The following FOXJ1 variants were observed in gnomAD, a reference collection of about 807,000 sequenced individuals.
FOXJ1 encodes the protein forkhead box J1.
A neutral mutation model predicts 29.3 loss-of-function variants in FOXJ1; 8 were observed. The ratio of observed to expected loss-of-function variants is 0.27; its 90% confidence interval spans 0.16 to 0.49. The LOEUF is 0.49. Ranked by LOEUF, FOXJ1 falls within the 20% of genes least tolerant of loss-of-function variation. The pLI is 0.98. For missense variants in FOXJ1, 539 were observed against 595.5 expected (o/e 0.91, Z 0.99); for synonymous variants, 280 against 278.7 (o/e 1.00, Z -0.05).
At position 76,140,735 on chromosome 17, in the gene FOXJ1, C is replaced by T. The variant is rs1055282085; in HGVS notation, c.-169-171G>A. ...TCCCACCCCCATCAGATCTGCCTCCCTCTTCCTTTCCTCTTCGAGGTTTTA... is the reference window on the plus strand; with the variant it reads ...TCCCACCCCCATCAGATCTGCCTCCTTCTTCCTTTCCTCTTCGAGGTTTTA... On this transcript the variant is annotated intron_variant, in intron 1 of 2. Transcript: ENST00000322957. The surrounding 1 kb of genome is among the most constrained non-coding windows in gnomAD (Gnocchi z 8.0). The T allele has an allele frequency of 1.2e-4, 33 of 280,522 alleles. No individual in the cohort carries two copies. The highest frequency in any genetic ancestry group is 1.2e-3 in the Admixed American group (22 of 18,760). 17.4% of individuals were successfully genotyped at this position (280,522 alleles called of 1,614,324 possible). A position where few individuals can be genotyped will look rare whatever the true frequency, so the allele number is the denominator to read the frequency against.
chr17:76,140,015 G>A lies in FOXJ1; in HGVS notation c.381C>T (p.Ala127=). ...CCTGCATGGCCATGCAGATGAGCGTGGCATACGAGTAGGGAGGCTTCACGT... is the reference window on the plus strand; with the variant it reads ...CCTGCATGGCCATGCAGATGAGCGTAGCATACGAGTAGGGAGGCTTCACGT... ...NPHVKPPYSY[A]TLICMAMQAS... Residue 127 remains alanine (A), a synonymous_variant, in exon 2 of 3, where the codon GCC becomes GCT. Coordinates refer to ENST00000322957, the MANE Select transcript of FOXJ1 (RefSeq NM_001454.4). The surrounding 1 kb of genome is among the most constrained non-coding windows in gnomAD (Gnocchi z 8.0). 2 of 1,613,544 alleles carry A rather than the reference G, an allele frequency of 1.2e-6. No homozygotes were observed. The highest frequency in any genetic ancestry group is 1.7e-6 in the Non-Finnish European group (2 of 1,179,994).
In FOXJ1 at chr17:76,137,963, T is replaced by C. The variant is rs766152821; in HGVS notation, c.656A>G (p.His219Arg). 5 of 1,594,982 alleles carry C rather than the reference T, an allele frequency of 3.1e-6. No homozygotes were observed. Among genetic ancestry groups the C allele is most frequent in the East Asian group, 2.3e-5 (1 of 44,436 alleles). Residue 219 changes from histidine to arginine, a missense_variant, in exon 3 of 3, where the codon CAC becomes CGC. His to Arg is a conservative substitution (Grantham distance 29). This residue lies in a region of FOXJ1 where 302 missense variants were observed against 293.6 expected (regional missense o/e 1.03). Transcript: ENST00000322957. This position sits in a 1 kb window ranked among gnomAD's most constrained non-coding sequence, Gnocchi z 9.5. Reference sequence around the variant, plus strand: ...CTGGCGGGCAAAGGCTGGGTGGATGTGGACAGGGGGCAGTCGCCGCTTCTT... The same window carrying C: ...CTGGCGGGCAAAGGCTGGGTGGATGCGGACAGGGGGCAGTCGCCGCTTCTT... ...AFKKRRLPPV[H>R]IHPAFARQAA...
In FOXJ1 at chr17:76,139,031, A is replaced by T. The variant is rs925662292; in HGVS notation, c.498+867T>A. ...CCATCCTCCTGCCTTGTCCATTCTT[A>T]GGTGCTTAATCTTGTCCAAAGCCTG... On this transcript the variant is annotated intron_variant, in intron 2 of 2. Transcript: ENST00000322957. This position sits in a 1 kb window ranked among gnomAD's most constrained non-coding sequence, Gnocchi z 6.6. 5.9e-5 allele frequency among the ~76,000 whole-genome samples: 9 copies of T among 152,258 alleles called. No individual in the cohort carries two copies. The highest frequency in any genetic ancestry group is 1.9e-4 in the African/African-American group (8 of 41,546).
Position 76,137,639 on chromosome 17 carries a change from A to G in FOXJ1, c.980T>C (p.Leu327Pro). The G allele has an allele frequency of 1.9e-6, 3 of 1,602,200 alleles. No homozygotes were observed. Among genetic ancestry groups the G allele is most frequent in the Non-Finnish European group, 2.6e-6 (3 of 1,175,166 alleles). ...AGGCGGGCTCAGCTCCAGGGCCTCC[A>G]GTGCACCCAGCTCCCCGCCCAGAGT... is the stretch of plus-strand genomic sequence containing the variant. ...AGTLGGELGA[L>P]EALELSPPLS... The change falls in exon 3 of 3, where the codon CTG becomes CCG. Residue 327 changes from leucine to proline, a missense_variant. By Grantham distance (98) the Leu-to-Pro change is moderately conservative. Transcript: ENST00000322957. The surrounding 1 kb of genome is among the most constrained non-coding windows in gnomAD (Gnocchi z 9.5).
Position 76,139,921 on chromosome 17 carries a change from G to A in FOXJ1, c.475C>T (p.Arg159Cys). 1 of 1,602,528 alleles carries A rather than the reference G, an allele frequency of 6.2e-7. No homozygotes were observed. Among genetic ancestry groups the A allele is most frequent in the Non-Finnish European group, 8.5e-7 (1 of 1,175,214 alleles). ...ACCTGCCAGGTGGGATCTGCGTGGC[G>A]GAAGTAGCAGAAGTTGTCCGTGATC... ...KWITDNFCYF[R>C]HADPTWQNSI... Residue 159 changes from arginine (R) to cysteine (C), a missense_variant, in exon 2 of 3, where the codon CGC (arginine) becomes TGC (cysteine). Arg to Cys is a radical substitution (Grantham distance 180). This residue lies in a region of FOXJ1 where 178 missense variants were observed against 254.4 expected (regional missense o/e 0.70). Coordinates refer to ENST00000322957, the MANE Select transcript of FOXJ1 (RefSeq NM_001454.4). This position sits in a 1 kb window ranked among gnomAD's most constrained non-coding sequence, Gnocchi z 6.6.
Position 76,138,075 on chromosome 17 carries a change from CTT to C in FOXJ1, c.542_543del (p.Lys181SerfsTer17). Reference protein sequence around the residue: ...HNLSLNKCFIKVPREKDEPGK... With the variant: ...HNLSLNKCFIXVPREKDEPGK... Reference sequence around the variant, plus strand: ...CCTGGTTCGTCCTTCTCCCGAGGCACTTTGATGAAGCACTTGTTCAGAGACAG... The same window carrying C: ...CCTGGTTCGTCCTTCTCCCGAGGCACTGATGAAGCACTTGTTCAGAGACAG... On this transcript the variant is annotated frameshift_variant, in exon 3 of 3. Coordinates refer to ENST00000322957, the MANE Select transcript of FOXJ1 (RefSeq NM_001454.4). LOFTEE classifies it high-confidence loss of function. 6.2e-7 allele frequency: 1 copy of C among 1,613,954 alleles called. No homozygotes were observed. The highest frequency in any genetic ancestry group is 8.5e-7 in the Non-Finnish European group (1 of 1,180,032).
In FOXJ1 at chr17:76,137,552, G is replaced by A. The variant is rs750071975; in HGVS notation, c.1067C>T (p.Pro356Leu). The change falls in exon 3 of 3, where the codon CCT becomes CTT. Residue 356 changes from proline to leucine, a missense_variant. Pro to Leu is a moderately conservative substitution (Grantham distance 98). Transcript: ENST00000322957. The surrounding 1 kb of genome is among the most constrained non-coding windows in gnomAD (Gnocchi z 9.5). ...CTCCACCGAAGGCCCCCAGGTGGCA[G>A]GGCAGTCGATGTGGCGGCCGTGGAT... The part of the protein sequence containing the change: ...LTIHGRHIDC[P>L]ATWGPSVEQA... The A allele has an allele frequency of 6.3e-7, 1 of 1,599,204 alleles. No individual in the cohort carries two copies.
At chr17:76,138,206 ACC>A in intron 2 of FOXJ1, 86 bp from the exon 3 acceptor site, 1 of 1,406,474 alleles carries the variant, frequency 7.1e-7, no homozygotes, top group Non-Finnish European at 9.8e-7. Flanking sequence ...GCTGCTGCGC[ACC>A]CCCCATCTTT....
In FOXJ1 at chr17:76,139,851, C is replaced by T; in HGVS notation, c.498+47G>A. ...TATGAATCCAGTGCAGCGTGGGGAG[C>T]GAGGAGGGAATGGGGAGGGAGCGGC... is the stretch of plus-strand genomic sequence containing the variant. On this transcript the variant is annotated intron_variant, in intron 2 of 2. Transcript: ENST00000322957. This position sits in a 1 kb window ranked among gnomAD's most constrained non-coding sequence, Gnocchi z 6.6. The T allele has an allele frequency of 6.5e-7, 1 of 1,548,810 alleles. No homozygotes were observed. The highest frequency in any genetic ancestry group is 8.7e-7 in the Non-Finnish European group (1 of 1,145,018).
rs768139287 is a variant in FOXJ1, at chr17:76,137,396, G to A, written c.1223C>T (p.Ala408Val). 1.3e-6 allele frequency: 2 copies of A among 1,529,602 alleles called. No homozygotes were observed. Among genetic ancestry groups the A allele is most frequent in the South Asian group, 1.2e-5 (1 of 82,614 alleles). The allele number at this position is 1,529,602 out of a possible 1,614,324, so 94.8% of individuals were successfully genotyped here. Reference sequence around the variant, plus strand: ...GCTGGCCCAGTCCTGCAGGTCGGAGGCCAGGGTGGCATCCCCAGCCTCAAA... The same window carrying A: ...GCTGGCCCAGTCCTGCAGGTCGGAGACCAGGGTGGCATCCCCAGCCTCAAA... The part of the protein sequence containing the change: ...PLFEAGDATL[A>V]SDLQDWASVG... Residue 408 changes from alanine (A) to valine (V), a missense_variant, in exon 3 of 3, where the codon GCC (alanine) becomes GTC (valine). This residue lies in a region of FOXJ1 where 302 missense variants were observed against 293.6 expected (regional missense o/e 1.03). Transcript: ENST00000322957. This position sits in a 1 kb window ranked among gnomAD's most constrained non-coding sequence, Gnocchi z 9.5.
Position 76,139,803 on chromosome 17 carries a change from C to G in FOXJ1, c.498+95G>C. On this transcript the variant is annotated intron_variant, in intron 2 of 2. Transcript: ENST00000322957. This position sits in a 1 kb window ranked among gnomAD's most constrained non-coding sequence, Gnocchi z 6.6. The stretch of plus-strand genomic sequence containing the variant: ...TGGGGCGCTGGCCGCACCGCAGAGC[C>G]TACTTGGCCTGCAGATTTGGGATAT... 10 of 1,399,020 alleles carry G rather than the reference C, an allele frequency of 7.1e-6. No individual in the cohort carries two copies. Among genetic ancestry groups the G allele is most frequent in the Non-Finnish European group, 9.8e-6 (10 of 1,023,158 alleles). The allele number at this position is 1,399,020 out of a possible 1,614,324, so 86.7% of individuals were successfully genotyped here.
In FOXJ1 at chr17:76,138,052, T is replaced by C. The variant is rs1252056949; in HGVS notation, c.567A>G (p.Pro189=). Reference sequence around the variant, plus strand: ...CAATGCGCCAGAAGCCCCCCTTGCCTGGTTCGTCCTTCTCCCGAGGCACTT... The same window carrying C: ...CAATGCGCCAGAAGCCCCCCTTGCCCGGTTCGTCCTTCTCCCGAGGCACTT... ...FIKVPREKDE[P]GKGGFWRIDP... is the part of the protein sequence containing the mutation. The change falls in exon 3 of 3, where the codon CCA becomes CCG. Residue 189 remains proline, a synonymous_variant. Coordinates refer to ENST00000322957, the MANE Select transcript of FOXJ1 (RefSeq NM_001454.4). 4 of 1,613,970 alleles carry C rather than the reference T, an allele frequency of 2.5e-6. No homozygotes were observed. The highest frequency in any genetic ancestry group is 3.4e-6 in the Non-Finnish European group (4 of 1,180,016).
rs2068484230 is a variant in FOXJ1 at position 76,137,118 on chromosome 17, T to C, written c.*235A>G. ...ACGCGGAGCAATGAAACACTGTGTG[T>C]ACAAGGTGGGGCTGGGGAGAGGAGG... is the stretch of plus-strand genomic sequence containing the variant. On this transcript the variant is annotated 3_prime_UTR_variant, in exon 3 of 3. Transcript: ENST00000322957. This position sits in a 1 kb window ranked among gnomAD's most constrained non-coding sequence, Gnocchi z 9.5. 6.7e-6 allele frequency: 3 copies of C among 447,452 alleles called. No homozygotes were observed. The South Asian group carries it at 1.7e-4, about 26-fold the overall frequency. 27.7% of individuals were successfully genotyped at this position (447,452 alleles called of 1,614,324 possible).
In FOXJ1 at chr17:76,140,013, G is replaced by T; in HGVS notation, c.383C>A (p.Thr128Lys). The change falls in exon 2 of 3, where the codon ACG becomes AAG. Residue 128 changes from threonine (T) to lysine (K), a missense_variant. Coordinates refer to ENST00000322957, the MANE Select transcript of FOXJ1 (RefSeq NM_001454.4). The surrounding 1 kb of genome is among the most constrained non-coding windows in gnomAD (Gnocchi z 8.0). ...PHVKPPYSYA[T>K]LICMAMQASK... ...GGCCTGCATGGCCATGCAGATGAGCGTGGCATACGAGTAGGGAGGCTTCAC... is the reference window on the plus strand; with the variant it reads ...GGCCTGCATGGCCATGCAGATGAGCTTGGCATACGAGTAGGGAGGCTTCAC... 9.3e-6 allele frequency: 15 copies of T among 1,613,514 alleles called. No individual in the cohort carries two copies. Among genetic ancestry groups the T allele is most frequent in the Non-Finnish European group, 1.3e-5 (15 of 1,179,950 alleles).
chr17:76,138,009 G>A lies in FOXJ1; in HGVS notation c.610C>T (p.Arg204Trp), dbSNP rs995230360. The A allele has an allele frequency of 6.8e-6, 11 of 1,613,182 alleles. No homozygotes were observed. The highest frequency in any genetic ancestry group is 9.3e-6 in the Non-Finnish European group (11 of 1,179,734). Residue 204 changes from arginine (R) to tryptophan (W), a missense_variant, in exon 3 of 3, where the codon CGG becomes TGG. This residue lies in a region of FOXJ1 where 178 missense variants were observed against 254.4 expected (regional missense o/e 0.70). Coordinates refer to ENST00000322957, the MANE Select transcript of FOXJ1 (RefSeq NM_001454.4). ...TTCTTGAAAGCGCCGCTCAGTAGCC[G>A]CTCCGCGTACTGGGGGTCAATGCGC... is the stretch of plus-strand genomic sequence containing the variant. Reference protein sequence around the residue: ...FWRIDPQYAERLLSGAFKKRR... With the variant: ...FWRIDPQYAEWLLSGAFKKRR...
chr17:76,140,267 G>A lies in FOXJ1; in HGVS notation c.129C>T (p.Ser43=), dbSNP rs1267529214. 1 of 1,476,664 alleles carries A rather than the reference G, an allele frequency of 6.8e-7. No individual in the cohort carries two copies. The allele number at this position is 1,476,664 out of a possible 1,614,324, so 91.5% of individuals were successfully genotyped here. A position where few individuals can be genotyped will look rare whatever the true frequency, so the allele number is the denominator to read the frequency against. The change falls in exon 2 of 3, where the codon TCC becomes TCT. Residue 43 remains serine, a synonymous_variant. Coordinates refer to ENST00000322957, the MANE Select transcript of FOXJ1 (RefSeq NM_001454.4). This position sits in a 1 kb window ranked among gnomAD's most constrained non-coding sequence, Gnocchi z 8.0. The part of the protein sequence containing the change: ...LTSLQWLQEF[S]ILNAKAPALP... Reference sequence around the variant, plus strand: ...GGGCGGGGGCCTTGGCGTTGAGAATGGAGAATTCCTGCAGCCACTGCAGGC... The same window carrying A: ...GGGCGGGGGCCTTGGCGTTGAGAATAGAGAATTCCTGCAGCCACTGCAGGC...
chr17:76,137,885 G>A lies in FOXJ1; in HGVS notation c.734C>T (p.Thr245Ile). The A allele has an allele frequency of 6.3e-7, 1 of 1,578,058 alleles. No homozygotes were observed. Among genetic ancestry groups the A allele is most frequent in the South Asian group, 1.1e-5 (1 of 87,216 alleles). Residue 245 changes from threonine to isoleucine, a missense_variant, in exon 3 of 3, where the codon ACC (threonine) becomes ATC (isoleucine). Around this residue, in one of 3 missense-constraint regions of FOXJ1, gnomAD observed 302 missense variants for 293.6 expected, o/e 1.03. Coordinates refer to ENST00000322957, the MANE Select transcript of FOXJ1 (RefSeq NM_001454.4). This position sits in a 1 kb window ranked among gnomAD's most constrained non-coding sequence, Gnocchi z 9.5. ...CTCCCGCAGCAGCTGCTGGGCCTCGGTATTCACCGTCAGCGGCCCGGCCCG... is the reference window on the plus strand; with the variant it reads ...CTCCCGCAGCAGCTGCTGGGCCTCGATATTCACCGTCAGCGGCCCGGCCCG... Reference protein sequence around the residue: ...VPRAGPLTVNTEAQQLLREFE... With the variant: ...VPRAGPLTVNIEAQQLLREFE...
intron 2 of FOXJ1, among the ~76,000 whole-genome samples, chr17:76,138,670 A>G (rs986388766): frequency 1.3e-4 from 19 of 151,582 alleles, no homozygotes; most frequent in Admixed American, 1.1e-3. Flanking sequence ...TTCACCCCCC[A>G]CGGCCCCCTC....
chr17:76,139,766 AGGG>A lies in FOXJ1; in HGVS notation c.498+129_498+131del. ...AGTTGCAAGAACTGGGCTCCTTTGC[AGGG>A]CTCCCTTCTGGGGCGCTGGCCGCAC... is the stretch of plus-strand genomic sequence containing the variant. On this transcript the variant is annotated intron_variant, in intron 2 of 2. Coordinates refer to ENST00000322957, the MANE Select transcript of FOXJ1 (RefSeq NM_001454.4). This position sits in a 1 kb window ranked among gnomAD's most constrained non-coding sequence, Gnocchi z 6.6. The A allele has an allele frequency of 1.1e-6, 1 of 917,288 alleles. No homozygotes were observed. The highest frequency in any genetic ancestry group is 1.6e-5 in the South Asian group (1 of 60,636). 56.8% of individuals were successfully genotyped at this position (917,288 alleles called of 1,614,324 possible).
Sources: allele counts gnomAD v4.1 joint callset (sites outside exome capture counted in the v4.1 genomes callset), GRCh38; gene constraint gnomAD v4.1.1; regional missense constraint gnomAD v4.1.1; non-coding constraint Gnocchi (gnomAD v3.1); transcripts MANE v1.5; gene names NCBI Gene and HGNC (gene_info 2026-07-23, HGNC 2026-07-21).